Variants in KLHL20 observed in about 807,000 individuals in gnomAD.
KLHL20 encodes kelch like family member 20, also known as kelch-like protein 20.
In KLHL20, 29 loss-of-function variants were observed where a neutral mutation model predicts 69.5. That is an observed-to-expected ratio of 0.42 (90% CI 0.31 to 0.57). KLHL20 has a LOEUF of 0.57. KLHL20 is among the 20% of genes least tolerant of loss of function. The probability of loss-of-function intolerance (pLI) is 0.18; values close to 1 mark genes in which losing one functional copy is unlikely to be tolerated. For synonymous variants in KLHL20, 253 were observed against 265.2 expected (o/e 0.95, Z 0.45); for missense variants, 419 against 776.0 (o/e 0.54, Z 5.47).
At chr1:173,756,860 C>G in intron 6 of KLHL20, 116 bp from the exon 7 acceptor site, 1 of 848,708 alleles carries the variant, frequency 1.2e-6, no homozygotes. Context: ...GCATTTTGAC[C>G]TACTACTAGA....
chr1:173,741,593 TACAAG>T (rs1672811709), intron 3 of KLHL20: 1 of 427,404 alleles, frequency 2.3e-6, no homozygotes, highest in Admixed American at 4.3e-5. Flanking sequence ...AAATAAAAAT[TACAAG>T]ACAAAAGTCA....
At chr1:173,762,257 G>A (rs972361200) in intron 7 of KLHL20, among the ~76,000 whole-genome samples, 2 of 151,996 alleles carry the variant, frequency 1.3e-5, no homozygotes, top group African/African-American at 2.4e-5. Context: ...AAAAGTCCAG[G>A]ACCAGACGGA....
Position 173,733,995 on chromosome 1 carries a change from A to C in KLHL20, c.306A>C (p.Ala102=). 6.2e-7 allele frequency: 1 copy of C among 1,614,190 alleles called. No homozygotes were observed. The highest frequency in any genetic ancestry group is 8.5e-7 in the Non-Finnish European group (1 of 1,180,040). The change falls in exon 3 of 12, where the codon GCA becomes GCC. Residue 102 remains alanine, a synonymous_variant. Coordinates refer to ENST00000209884, the MANE Select transcript of KLHL20 (RefSeq NM_014458.4). ...YFRAMFTGEL[A]ESRQTEVVIR... ...GAGCTATGTTTACAGGAGAATTGGC[A>C]GAGAGCCGTCAGACAGAAGTAGTGA...
chr1:173,781,187 G>A (rs1008974873), intron 10 of KLHL20, among the ~76,000 whole-genome samples: 6 of 152,164 alleles, frequency 3.9e-5, no homozygotes, highest in Non-Finnish European at 8.8e-5. Flanking sequence ...CATTAGTTAG[G>A]AGTAAAGGGA....
intron 10 of KLHL20, among the ~76,000 whole-genome samples, chr1:173,778,377 G>A (rs1188741280): frequency 1.3e-5 from 2 of 152,100 alleles, no homozygotes; most frequent in African/African-American, 2.4e-5. Context: ...CACCAAGGTT[G>A]GAGTGCAATG....
At chr1:173,776,372 G>A (rs1048947830) in intron 10 of KLHL20, among the ~76,000 whole-genome samples, 2 of 152,068 alleles carry the variant, frequency 1.3e-5, no homozygotes, top group African/African-American at 4.8e-5. Flanking sequence ...TCTGTGGGTT[G>A]TCTCTTCACT....
chr1:173,730,834 C>T (rs1215938200), intron 2 of KLHL20, among the ~76,000 whole-genome samples: 1 of 152,072 alleles, frequency 6.6e-6, no homozygotes, highest in Non-Finnish European at 1.5e-5. Flanking sequence ...TCTAAAACAC[C>T]AACAGCAATG....
At chr1:173,763,811 C>G (rs1287209648) in intron 7 of KLHL20, among the ~76,000 whole-genome samples, 1 of 150,204 alleles carries the variant, frequency 6.7e-6, no homozygotes, top group Non-Finnish European at 1.5e-5. Flanking sequence ...AAAAACCCCT[C>G]TTGACATTGG....
At chr1:173,717,423 T>A (rs1333525879) in intron 2 of KLHL20, among the ~76,000 whole-genome samples, 1 of 152,380 alleles carries the variant, frequency 6.6e-6, no homozygotes, top group East Asian at 1.9e-4. Context: ...TCTTTCTTCA[T>A]CACTGTCACT....
intron 2 of KLHL20, among the ~76,000 whole-genome samples, chr1:173,733,080 T>G (rs975371711): frequency 2.7e-5 from 4 of 150,058 alleles, no homozygotes; most frequent in African/African-American, 4.9e-5. Flanking sequence ...AGTGCAGTGA[T>G]GCAATCTCGG....
At chr1:173,746,717 C>A (rs1333911360) in intron 3 of KLHL20, among the ~76,000 whole-genome samples, 1 of 151,910 alleles carries the variant, frequency 6.6e-6, no homozygotes, top group Admixed American at 6.6e-5. Context: ...ATTAGATCTA[C>A]CTTTTTGCTT....
chr1:173,741,931 A>C, intron 3 of KLHL20: 2 of 1,043,696 alleles, frequency 1.9e-6, no homozygotes, highest in Non-Finnish European at 1.4e-6. Flanking sequence ...GCAGCACTAA[A>C]AGCACTCTGA....
At chr1:173,722,744 C>A (rs1671770974) in intron 2 of KLHL20, among the ~76,000 whole-genome samples, 2 of 145,686 alleles carry the variant, frequency 1.4e-5, no homozygotes, top group Non-Finnish European at 3.0e-5. Context: ...TGGAGTAGTG[C>A]AGTGGCACAA....
chr1:173,744,371 A>G (rs1017163765), intron 3 of KLHL20, among the ~76,000 whole-genome samples: 4 of 152,102 alleles, frequency 2.6e-5, no homozygotes, highest in African/African-American at 7.2e-5. Context: ...AAAGTTCTCT[A>G]TATATTAACA....
At chr1:173,749,962 A>G (rs1210012015) in intron 3 of KLHL20, among the ~76,000 whole-genome samples, 2 of 152,200 alleles carry the variant, frequency 1.3e-5, no homozygotes, top group Non-Finnish European at 2.9e-5. Flanking sequence ...AGGTTAACAG[A>G]TAAAATACAG....
At chr1:173,757,664 C>CAAAAA (rs906943946) in intron 7 of KLHL20, among the ~76,000 whole-genome samples, 1 of 59,060 alleles carries the variant, frequency 1.7e-5, no homozygotes. Context: ...GACTCCTTCT[C>CAAAAA]AAAAAAAAAA....
At chr1:173,717,657 C>T (rs1671529732) in intron 2 of KLHL20, among the ~76,000 whole-genome samples, 1 of 152,146 alleles carries the variant, frequency 6.6e-6, no homozygotes, top group Non-Finnish European at 1.5e-5. Flanking sequence ...CATGTTCATT[C>T]TGTCTACTAG....
chr1:173,785,026 A>G (rs1442455263), intron 11 of KLHL20, 137 bp from the exon 12 acceptor site: 6 of 627,908 alleles, frequency 9.6e-6, no homozygotes, highest in Non-Finnish European at 1.6e-5. Context: ...TGAAGACAAT[A>G]TTAGTGTGAA....
chr1:173,743,538 T>TTA (rs1445515819), intron 3 of KLHL20, among the ~76,000 whole-genome samples: 6,953 of 148,864 alleles, frequency 0.047, 503 homozygotes, highest in African/African-American at 0.16. Context: ...GTGGTGATTT[T>TTA]AAAAAAAAAA....
Sources: allele counts gnomAD v4.1 joint callset (sites outside exome capture counted in the v4.1 genomes callset), GRCh38; gene constraint gnomAD v4.1.1; transcripts MANE v1.5; gene names NCBI Gene and HGNC (gene_info 2026-07-23, HGNC 2026-07-21).